The following LAMA5 variants were observed in gnomAD, a reference collection of about 807,000 sequenced individuals.
LAMA5 encodes the protein laminin subunit alpha 5, also known as laminin subunit alpha-5.
In LAMA5, 260 loss-of-function variants were observed where a neutral mutation model predicts 433.4. The observed-to-expected ratio is 0.60, with a 90% CI of 0.54 to 0.66. The LOEUF is 0.66. Ranked by LOEUF, LAMA5 falls within the 30% of genes least tolerant of loss-of-function variation. LAMA5 has a pLI of 0.00. For synonymous variants in LAMA5, 2,620 were observed against 2,226.6 expected (o/e 1.18, Z -4.97); for missense variants, 5,378 against 5,258.5 (o/e 1.02, Z -0.70).
chr20:62,353,245 G>A lies in LAMA5; in HGVS notation c.457C>T (p.His153Tyr). 1.3e-6 allele frequency: 2 copies of A among 1,594,266 alleles called. No homozygotes were observed. Among genetic ancestry groups the A allele is most frequent in the Admixed American group, 1.7e-5 (1 of 57,698 alleles). ...AACTTGATGAGGACGTAGGCCACGT[G>A]GAAGACCTGTGGGCCGAGAGGGCGT... ...NVTLDLGQVFHVAYVLIKFAN... is the reference protein window; with the variant it reads ...NVTLDLGQVFYVAYVLIKFAN... Residue 153 changes from histidine (H) to tyrosine (Y), a missense_variant, in exon 3 of 80, where the codon CAC (histidine) becomes TAC (tyrosine). Coordinates refer to ENST00000252999, the MANE Select transcript of LAMA5 (RefSeq NM_005560.6).
chr20:62,330,873 G>T lies in LAMA5; in HGVS notation c.3722C>A (p.Pro1241Gln). 1 of 1,541,448 alleles carries T rather than the reference G, an allele frequency of 6.5e-7. No homozygotes were observed. The highest frequency in any genetic ancestry group is 2.5e-5 in the East Asian group (1 of 40,806). The change falls in exon 30 of 80, where the codon CCG becomes CAG. Residue 1241 changes from proline (P) to glutamine (Q), a missense_variant. Coordinates refer to ENST00000252999, the MANE Select transcript of LAMA5 (RefSeq NM_005560.6). Reference protein sequence around the residue: ...PIILRDCQVIPLPPGLPLTHA... With the variant: ...PIILRDCQVIQLPPGLPLTHA... ...GGTCAGCGGGAGGCCGGGCGGCAGC[G>T]GGATCACCTGGCAGTCCCTGAGGAT...
At chr20:62,353,847 GC>G (rs1984746398) in intron 2 of LAMA5, among the ~76,000 whole-genome samples, 1 of 152,062 alleles carries the variant, frequency 6.6e-6, no homozygotes, top group Non-Finnish European at 1.5e-5. Flanking sequence ...ACAGCCAGGG[GC>G]CCACTGAGCC....
In LAMA5 at chr20:62,328,353, G is replaced by T; in HGVS notation, c.4540C>A (p.Pro1514Thr). ...TIPPDCLLCQPQTFGCHPLVG... is the reference protein window; with the variant it reads ...TIPPDCLLCQTQTFGCHPLVG... Reference sequence around the variant, plus strand: ...AGGGGGTGGCAGCCAAAGGTCTGGGGCTGGCACAGCAGGCAGTCGGGCGGG... The same window carrying T: ...AGGGGGTGGCAGCCAAAGGTCTGGGTCTGGCACAGCAGGCAGTCGGGCGGG... The change falls in exon 35 of 80, where the codon CCC (proline) becomes ACC (threonine). Residue 1514 changes from proline (P) to threonine (T), a missense_variant. By Grantham distance (38) the Pro-to-Thr change is conservative. Coordinates refer to ENST00000252999, the MANE Select transcript of LAMA5 (RefSeq NM_005560.6). The T allele has an allele frequency of 6.3e-7, 1 of 1,595,800 alleles. No individual in the cohort carries two copies. The highest frequency in any genetic ancestry group is 8.5e-7 in the Non-Finnish European group (1 of 1,171,658).
At position 62,312,292 on chromosome 20, in the gene LAMA5, C is replaced by T. The variant is rs749367911; in HGVS notation, c.9385G>A (p.Gly3129Ser). Residue 3129 changes from glycine (G) to serine (S), a missense_variant, in exon 69 of 80, where the codon GGC becomes AGC. Transcript: ENST00000252999. ...AGCGCCAGGCGAAGGAAGCCGTGGC[C>T]ATGGAAAGTCATGGCGCGCCCCACC... ...LLVGRAMTFH[G>S]HGFLRLALSN... 3.7e-6 allele frequency: 6 copies of T among 1,610,498 alleles called. No homozygotes were observed. The Admixed American group carries it at 1.0e-4, about 27-fold the overall frequency.
Position 62,311,685 on chromosome 20 carries a change from G to A in LAMA5, c.9735C>T (p.Leu3245=), listed in dbSNP as rs1485098181. ...QPQPEGPPRL[L]LGGLPESGTI... ...TGCCAGACTCAGGCAGGCCTCCCAG[G>A]AGGAGCCTCGGGGGCCCCTCAGGCT... is the stretch of plus-strand genomic sequence containing the variant. The change falls in exon 71 of 80, where the codon CTC becomes CTT. Residue 3245 remains leucine, a synonymous_variant. Transcript: ENST00000252999. 3 of 1,585,358 alleles carry A rather than the reference G, an allele frequency of 1.9e-6. No individual in the cohort carries two copies. The highest frequency in any genetic ancestry group is 2.3e-5 in the East Asian group (1 of 43,568).
In LAMA5 at chr20:62,322,311, A is replaced by G. The variant is rs377463062; in HGVS notation, c.6304T>C (p.Cys2102Arg). 6 of 1,599,848 alleles carry G rather than the reference A, an allele frequency of 3.8e-6. No individual in the cohort carries two copies. The highest frequency in any genetic ancestry group is 5.1e-6 in the Non-Finnish European group (6 of 1,175,498). Residue 2102 changes from cysteine to arginine, a missense_variant, in exon 47 of 80, where the codon TGT (cysteine) becomes CGT (arginine). Cys to Arg is a radical substitution (Grantham distance 180, BLOSUM62 -3). Coordinates refer to ENST00000252999, the MANE Select transcript of LAMA5 (RefSeq NM_005560.6). ...GGGAGCCCCCAGTAGCCAGGGGCAC[A>G]CTCGCGGCACTGGGGTCCCATGGTC... ...PGTMGPQCRE[C>R]APGYWGLPEQ...
At chr20:62,343,753 G>A (rs1457787975) in intron 11 of LAMA5, among the ~76,000 whole-genome samples, 3 of 103,190 alleles carry the variant, frequency 2.9e-5, no homozygotes, top group East Asian at 6.3e-4. Flanking sequence ...TCCAGCCTGG[G>A]CAACTAGAGT....
intron 2 of LAMA5, among the ~76,000 whole-genome samples, chr20:62,361,102 C>T (rs1402504697): frequency 6.6e-6 from 1 of 152,174 alleles, no homozygotes; most frequent in East Asian, 1.9e-4. Context: ...CCCCGAGCAG[C>T]TGAGAATTCA....
At chr20:62,350,255 A>T (rs906237345) in intron 6 of LAMA5, among the ~76,000 whole-genome samples, 3 of 151,886 alleles carry the variant, frequency 2.0e-5, no homozygotes, top group African/African-American at 4.8e-5. Context: ...CTGCGTCCCC[A>T]CTTGGCACTT....
chr20:62,318,478 G>C lies in LAMA5; in HGVS notation c.7215C>G (p.Asn2405Lys). ...TREAQELNSR[N>K]QERLEEALQR... ...CCAGGGCTTCCTCCAGGCGCTCCTG[G>C]TTGCGGCTGTTGAGCTCCTGGGCCT... The change falls in exon 53 of 80, where the codon AAC becomes AAG. Residue 2405 changes from asparagine to lysine, a missense_variant. By Grantham distance (94) the Asn-to-Lys change is moderately conservative. Coordinates refer to ENST00000252999, the MANE Select transcript of LAMA5 (RefSeq NM_005560.6). The C allele has an allele frequency of 1.9e-6, 3 of 1,605,942 alleles. No individual in the cohort carries two copies. Among genetic ancestry groups the C allele is most frequent in the Non-Finnish European group, 2.5e-6 (3 of 1,178,096 alleles).
Position 62,346,941 on chromosome 20 carries a change from C to T in LAMA5, c.1044G>A (p.Ala348=), listed in dbSNP as rs565768327. ...PGFNQQPWKP[A]TANSANECQS... is the part of the protein sequence containing the mutation. ...GGCACTCGTTGGCACTGTTGGCAGT[C>T]GCAGGCTTCCACGGCTGCTGATTGA... Residue 348 remains alanine, a synonymous_variant, in exon 7 of 80, where the codon GCG becomes GCA. Transcript: ENST00000252999. 9.3e-6 allele frequency: 15 copies of T among 1,612,758 alleles called. No homozygotes were observed. In the Admixed American group the frequency reaches 1.5e-4, roughly 16 times the overall value.
At position 62,316,063 on chromosome 20, in the gene LAMA5, G is replaced by C. The variant is rs776621136; in HGVS notation, c.7757-5C>G. ...CACCCTGGAGGGCAGCCCACACTGC[G>C]GGGGAGGCAGCTTCAGCTCCCAGGC... On this transcript the variant is annotated splice_polypyrimidine_tract_variant and splice_region_variant and intron_variant, in intron 57 of 79. Transcript: ENST00000252999. 8 of 1,598,194 alleles carry C rather than the reference G, an allele frequency of 5.0e-6. No individual in the cohort carries two copies. In the African/African-American group the frequency reaches 5.4e-5, roughly 11 times the overall value.
chr20:62,347,986 T>C (rs1983635288), intron 6 of LAMA5, among the ~76,000 whole-genome samples: 1 of 152,138 alleles, frequency 6.6e-6, no homozygotes. Flanking sequence ...GCACAGGTGA[T>C]CAACAAAGAA....
At position 62,338,104 on chromosome 20, in the gene LAMA5, C is replaced by T; in HGVS notation, c.1803G>A (p.Glu601=). 6.2e-7 allele frequency: 1 copy of T among 1,600,908 alleles called. No individual in the cohort carries two copies. Among genetic ancestry groups the T allele is most frequent in the Non-Finnish European group, 8.5e-7 (1 of 1,173,110 alleles). The change falls in exon 14 of 80, where the codon GAG becomes GAA. Residue 601 remains glutamate (E), a synonymous_variant. Coordinates refer to ENST00000252999, the MANE Select transcript of LAMA5 (RefSeq NM_005560.6). The stretch of plus-strand genomic sequence containing the variant: ...CAGGCTGGCATAGGCAGCGGCCGGC[C>T]TCATCGCAGCCCTCGGGCAAGGTTC... ...PAGTLPEGCD[E]AGRCLCQPEF... is the part of the protein sequence containing the mutation.
At position 62,330,763 on chromosome 20, in the gene LAMA5, T is replaced by G. The variant is rs775695584; in HGVS notation, c.3832A>C (p.Thr1278Pro). ...CTCACCTGGGGCTCACGCAGCAGGG[T>G]GGGCTCTGCATCAGGGTCCACAGCG... The part of the protein sequence containing the change: ...PTAVDPDAEP[T>P]LLREPQATVV... The change falls in exon 30 of 80, where the codon ACC becomes CCC. Residue 1278 changes from threonine (T) to proline (P), a missense_variant. Thr to Pro is a conservative substitution (Grantham distance 38). Transcript: ENST00000252999. 2 of 1,561,706 alleles carry G rather than the reference T, an allele frequency of 1.3e-6. No homozygotes were observed. Among genetic ancestry groups the G allele is most frequent in the Non-Finnish European group, 8.7e-7 (1 of 1,153,930 alleles).
In LAMA5 at chr20:62,313,070, CG is replaced by C. The variant is rs1568895597; in HGVS notation, c.8955+17del. 6.2e-7 allele frequency: 1 copy of C among 1,606,628 alleles called. No individual in the cohort carries two copies. Among genetic ancestry groups the C allele is most frequent in the Admixed American group, 1.7e-5 (1 of 59,826 alleles). ...GTCAGTGCAAGTGGGGATGGCAGGA[CG>C]GGTGTGCCTGGCGCACCTGCTGCTT... On this transcript the variant is annotated intron_variant, in intron 65 of 79. Transcript: ENST00000252999.
chr20:62,342,136 T>C (rs1982690245), intron 11 of LAMA5: 1 of 203,958 alleles, frequency 4.9e-6, no homozygotes. Context: ...ACCCCGTCTC[T>C]ACTAAAAATA....
rs551670511 is a variant in LAMA5 at position 62,313,347 on chromosome 20, A to G, written c.8772T>C (p.Ala2924=). The G allele has an allele frequency of 1.3e-6, 2 of 1,568,942 alleles. No homozygotes were observed. The highest frequency in any genetic ancestry group is 1.7e-4 in the Middle Eastern group (1 of 6,004). The change falls in exon 64 of 80, where the codon GCT becomes GCC. Residue 2924 remains alanine (A), a synonymous_variant. Coordinates refer to ENST00000252999, the MANE Select transcript of LAMA5 (RefSeq NM_005560.6). ...CGCACCGGGCACAAGGCCTGTCCAC[A>G]GCCGTGTCCAGCTGGAAGGTCCTCT... is the stretch of plus-strand genomic sequence containing the variant. ...NFERTFQLDT[A]VDRPCARSKS...
Position 62,338,585 on chromosome 20 carries a change from TC to T in LAMA5, c.1500del (p.Thr501ProfsTer202). The T allele has an allele frequency of 6.2e-7, 1 of 1,610,638 alleles. No individual in the cohort carries two copies. The highest frequency in any genetic ancestry group is 8.5e-7 in the Non-Finnish European group (1 of 1,179,456). On this transcript the variant is annotated frameshift_variant, in exon 12 of 80. Coordinates refer to ENST00000252999, the MANE Select transcript of LAMA5 (RefSeq NM_005560.6). LOFTEE classifies it high-confidence loss of function. ...QIVNCDCSAA[G>X]TQGNACRKDP... ...TCCTTCCGGCAGGCGTTGCCCTGGG[TC>T]CCTGCCGCGCTGCAGTCACAATCTG...
Sources: gnomAD v4.1 joint callset for allele counts (sites outside exome capture counted in the v4.1 genomes callset) on GRCh38, gnomAD v4.1.1 for gene constraint, MANE v1.5 for transcripts, NCBI Gene and HGNC (gene_info 2026-07-23, HGNC 2026-07-21) for gene names.